EHD1: variants seen among roughly 807,000 people sequenced by gnomAD.
The protein encoded by EHD1 is EH domain-containing protein 1.
In EHD1, 19 loss-of-function variants were observed where a neutral mutation model predicts 39.0. That is an observed-to-expected ratio of 0.49 (90% confidence interval 0.34 to 0.72). EHD1 has a LOEUF of 0.72. Ranked by LOEUF, EHD1 falls within the 30% of genes least tolerant of loss-of-function variation. The pLI, the probability that EHD1 is intolerant of heterozygous loss-of-function variation, is 0.01. For missense variants in EHD1, 542 were observed against 751.5 expected (o/e 0.72, Z 3.26); for synonymous variants, 323 against 331.2 (o/e 0.98, Z 0.27).
intron 2 of EHD1, among the ~76,000 whole-genome samples, chr11:64,866,793 C>T (rs1263529619): frequency 6.6e-6 from 1 of 152,112 alleles, no homozygotes; most frequent in Non-Finnish European, 1.5e-5. Context: ...GTATAACAAA[C>T]CTGTACATGT....
At chr11:64,869,416 C>T (rs1033770337) in intron 2 of EHD1, among the ~76,000 whole-genome samples, 5 of 152,224 alleles carry the variant, frequency 3.3e-5, no homozygotes, top group African/African-American at 9.6e-5. Context: ...CGGGAAACCC[C>T]GGCTGAGTCA....
At chr11:64,861,061 C>T (rs1164170769) in intron 2 of EHD1, among the ~76,000 whole-genome samples, 1 of 151,392 alleles carries the variant, frequency 6.6e-6, no homozygotes, top group Non-Finnish European at 1.5e-5. Context: ...TGGCACATGC[C>T]TGTAGTCCTA....
chr11:64,860,568 A>G (rs987896772), intron 2 of EHD1, among the ~76,000 whole-genome samples: 10 of 152,146 alleles, frequency 6.6e-5, no homozygotes, highest in African/African-American at 2.4e-4. Flanking sequence ...CCCTGTCTCC[A>G]CTAAAAATAC....
intron 2 of EHD1, among the ~76,000 whole-genome samples, chr11:64,870,022 C>A (rs1443374586): frequency 1.3e-5 from 2 of 152,292 alleles, no homozygotes; most frequent in East Asian, 3.9e-4. Flanking sequence ...AGAGGGCAAA[C>A]GAGAGCCCAG....
chr11:64,871,326 G>A (rs189580773), intron 2 of EHD1, among the ~76,000 whole-genome samples: 92 of 152,240 alleles, frequency 6.0e-4, no homozygotes, highest in African/African-American at 2.0e-3. Flanking sequence ...TGCCGGGAAC[G>A]CACTGCTCCA....
At chr11:64,875,376 C>T (rs1170299759) in intron 1 of EHD1, among the ~76,000 whole-genome samples, 1 of 152,204 alleles carries the variant, frequency 6.6e-6, no homozygotes, top group African/African-American at 2.4e-5. Flanking sequence ...CATGGTGAAA[C>T]TCCATCTCTA....
intron 2 of EHD1, among the ~76,000 whole-genome samples, chr11:64,860,974 T>G (rs1340523050): frequency 6.9e-6 from 1 of 145,438 alleles, no homozygotes; most frequent in African/African-American, 2.6e-5. Context: ...GAGCTGAGAT[T>G]GCGCCACTGC....
rs1390299986 is a variant in EHD1 at position 64,854,066 on chromosome 11, CAG to C, written c.*265_*266del. 5.2e-6 allele frequency: 3 copies of C among 580,846 alleles called. No individual in the cohort carries two copies. The highest frequency in any genetic ancestry group is 8.8e-6 in the Non-Finnish European group (3 of 340,090). The allele number at this position is 580,846 out of a possible 1,614,324, so 36.0% of individuals were successfully genotyped here. A position where few individuals can be genotyped will look rare whatever the true frequency, so the allele number is the denominator to read the frequency against. On this transcript the variant is annotated 3_prime_UTR_variant, in exon 5 of 5. Coordinates refer to ENST00000320631, the MANE Select transcript of EHD1 (RefSeq NM_006795.4). ...AGGCCGTGCACACAGGGCTGGCACA[CAG>C]GGGAGGCGGCGACAAAGAACGCAGC...
rs1468732445 is a variant in EHD1 at position 64,855,389 on chromosome 11, A to G, written c.1013T>C (p.Ile338Thr). 2 of 1,613,924 alleles carry G rather than the reference A, an allele frequency of 1.2e-6. No homozygotes were observed. Among genetic ancestry groups the G allele is most frequent in the African/African-American group, 1.3e-5 (1 of 74,872 alleles). The part of the protein sequence containing the change: ...KKELVNNLGE[I>T]YQKIEREHQI... The stretch of plus-strand genomic sequence containing the variant: ...GTGCTCGCGCTCAATCTTCTGGTAG[A>G]TCTCTCCGAGGTTGTTCACCAGCTC... Residue 338 changes from isoleucine (I) to threonine (T), a missense_variant, in exon 4 of 5, where the codon ATC (isoleucine) becomes ACC (threonine). By Grantham distance (89) the Ile-to-Thr change is moderately conservative. Coordinates refer to ENST00000320631, the MANE Select transcript of EHD1 (RefSeq NM_006795.4).
chr11:64,854,953 G>T, intron 4 of EHD1, 96 bp from the exon 5 acceptor site: 1 of 1,467,352 alleles, frequency 6.8e-7, no homozygotes, highest in Non-Finnish European at 9.2e-7. Flanking sequence ...AGCATAAAGT[G>T]CTGCTCCCCC....
intron 3 of EHD1, among the ~76,000 whole-genome samples, chr11:64,857,564 G>A (rs2136477369): frequency 6.6e-6 from 1 of 152,346 alleles, no homozygotes; most frequent in East Asian, 1.9e-4. Flanking sequence ...CTCATCTACA[G>A]GGTGAGGTGG....
intron 3 of EHD1, 171 bp downstream of exon 3, chr11:64,859,753 C>T: frequency 1.1e-6 from 1 of 931,056 alleles, no homozygotes; most frequent in Non-Finnish European, 1.6e-6. Context: ...GAGCAGGCTG[C>T]ACGCGGGTGC....
At position 64,875,126 on chromosome 11, in the gene EHD1, G is replaced by A. The variant is rs181222720; in HGVS notation, c.405-608C>T. On this transcript the variant is annotated intron_variant, in intron 1 of 4. Transcript: ENST00000320631. Reference sequence around the variant, plus strand: ...AGAACAAAGCCGTGGAGAGGCTGGCGACTTGCGGGCCAGGGCTCAGCCACG... The same window carrying A: ...AGAACAAAGCCGTGGAGAGGCTGGCAACTTGCGGGCCAGGGCTCAGCCACG... Among the ~76,000 whole-genome samples the A allele has an allele frequency of 5.9e-4, 90 of 152,324 alleles. 1 individual carries two copies. The highest frequency in any genetic ancestry group is 2.0e-3 in the African/African-American group (85 of 41,564).
intron 2 of EHD1, among the ~76,000 whole-genome samples, chr11:64,870,712 C>T (rs893072806): frequency 7.2e-5 from 11 of 152,236 alleles, no homozygotes; most frequent in Non-Finnish European, 1.5e-4. Context: ...CGGCATGAGG[C>T]ACTGCCGGGA....
chr11:64,858,342 C>G (rs377752923), intron 3 of EHD1, among the ~76,000 whole-genome samples: 1 of 151,898 alleles, frequency 6.6e-6, no homozygotes, highest in South Asian at 2.1e-4. Context: ...CCACCACGCC[C>G]GGCTAATTTT....
chr11:64,867,690 C>G (rs1943783022), intron 2 of EHD1, among the ~76,000 whole-genome samples: 1 of 152,146 alleles, frequency 6.6e-6, no homozygotes. Context: ...CCACTGTACT[C>G]CAGCCTGGGC....
rs1943625115 is a variant in EHD1 at position 64,854,585 on chromosome 11, G to T, written c.1353C>A (p.Ile451=). 6.2e-7 allele frequency: 1 copy of T among 1,614,074 alleles called. No individual in the cohort carries two copies. Among genetic ancestry groups the T allele is most frequent in the Admixed American group, 1.7e-5 (1 of 60,030 alleles). The change falls in exon 5 of 5, where the codon ATC becomes ATA. Residue 451 remains isoleucine, a synonymous_variant. Coordinates refer to ENST00000320631, the MANE Select transcript of EHD1 (RefSeq NM_006795.4). ...VGKDKPTYDE[I]FYTLSPVNGK... ...CGTTGACAGGGGACAGCGTGTAGAA[G>T]ATCTCGTCGTAGGTGGGCTTGTCCT...
At chr11:64,855,073 CAG>C (rs1943634890) in intron 4 of EHD1, 6 of 823,802 alleles carry the variant, frequency 7.3e-6, no homozygotes, top group Non-Finnish European at 1.1e-5. Context: ...GATTCATGGA[CAG>C]GGCACCAGAG....
intron 2 of EHD1, among the ~76,000 whole-genome samples, chr11:64,869,238 G>C (rs1943802016): frequency 6.6e-6 from 1 of 152,260 alleles, no homozygotes; most frequent in African/African-American, 2.4e-5. Context: ...GCAGCGCCTG[G>C]TACGCCTCCT....
Sources: allele counts gnomAD v4.1 joint callset (sites outside exome capture counted in the v4.1 genomes callset), GRCh38; gene constraint gnomAD v4.1.1; transcripts MANE v1.5; gene names NCBI Gene and HGNC (gene_info 2026-07-23, HGNC 2026-07-21).